The following SEZ6L variants were observed in gnomAD, a reference collection of about 807,000 sequenced individuals.
SEZ6L encodes seizure 6-like protein.
Under a neutral mutation model 106.2 loss-of-function variants are expected in SEZ6L, and 37 were observed. That is an observed-to-expected ratio of 0.35 (90% CI 0.27 to 0.46). The LOEUF is 0.46. Among genes scored for constraint, SEZ6L ranks in the 20% least tolerant of loss-of-function variants. The pLI is 1.00. For missense variants in SEZ6L, 1,172 were observed against 1,332.8 expected (o/e 0.88, Z 1.88); for synonymous variants, 541 against 570.4 (o/e 0.95, Z 0.73).
intron 1 of SEZ6L, among the ~76,000 whole-genome samples, chr22:26,227,934 T>C (rs1234952138): frequency 1.3e-5 from 2 of 152,144 alleles, no homozygotes; most frequent in Non-Finnish European, 1.5e-5. Flanking sequence ...AACGTGCCAA[T>C]GGCCACAGAA....
Position 26,251,338 on chromosome 22 carries a change from G to GT in SEZ6L, c.95-41052dup, listed in dbSNP as rs5844679. Among the ~76,000 whole-genome samples, 50 of 149,326 alleles carry GT rather than the reference G, an allele frequency of 3.3e-4. 1 individual carries two copies. Among genetic ancestry groups the GT allele is most frequent in the African/African-American group, 1.2e-3 (47 of 40,468 alleles). Reference sequence around the variant, plus strand: ...TCCTTTTATTCCTAATTTGTTGAAAGTTTTTTTTTTTTTTTTATCATGAAT... The same window carrying GT: ...TCCTTTTATTCCTAATTTGTTGAAAGTTTTTTTTTTTTTTTTTATCATGAAT... On this transcript the variant is annotated intron_variant, in intron 1 of 16. Coordinates refer to ENST00000248933, the MANE Select transcript of SEZ6L (RefSeq NM_021115.5).
intron 15 of SEZ6L, 104 bp downstream of exon 15, chr22:26,375,793 C>T (rs55650033): frequency 0.013 from 10,123 of 752,702 alleles, 105 homozygotes; most frequent in Non-Finnish European, 0.018. Flanking sequence ...ACCTGGAGCT[C>T]GGGCATAGTG....
At chr22:26,242,611 A>G (rs1423194354) in intron 1 of SEZ6L, 1 of 152,238 alleles carries the variant, frequency 6.6e-6, no homozygotes, top group African/African-American at 2.4e-5. Context: ...AAGAACAATT[A>G]TTATTATTCT....
intron 9 of SEZ6L, among the ~76,000 whole-genome samples, chr22:26,330,118 G>A (rs556215684): frequency 3.1e-4 from 47 of 152,188 alleles, no homozygotes; most frequent in Non-Finnish European, 5.6e-4. Flanking sequence ...TATTTCACCT[G>A]TGCCAAGCCC....
At chr22:26,347,199 A>AATGATGATGATG (rs3071639) in intron 10 of SEZ6L, among the ~76,000 whole-genome samples, 5,127 of 149,820 alleles carry the variant, frequency 0.034, 132 homozygotes, top group South Asian at 0.058. Context: ...CTGTAAAAAT[A>AATGATGATGATG]ATGATGATGA....
At chr22:26,271,543 G>A (rs1256555913) in intron 1 of SEZ6L, among the ~76,000 whole-genome samples, 1 of 152,176 alleles carries the variant, frequency 6.6e-6, no homozygotes, top group East Asian at 1.9e-4. Context: ...ATCATAAATG[G>A]CTTGGCGTCT....
At chr22:26,300,228 T>C (rs988130041) in intron 5 of SEZ6L, among the ~76,000 whole-genome samples, 1 of 152,214 alleles carries the variant, frequency 6.6e-6, no homozygotes, top group Non-Finnish European at 1.5e-5. Context: ...TATGTATACA[T>C]GTGCCATGTT....
At chr22:26,273,146 C>G (rs1461592305) in intron 1 of SEZ6L, among the ~76,000 whole-genome samples, 1 of 152,272 alleles carries the variant, frequency 6.6e-6, no homozygotes, top group Non-Finnish European at 1.5e-5. Context: ...CTGCCTCTCT[C>G]TTCCTCCCTT....
At position 26,294,946 on chromosome 22, in the gene SEZ6L, T is replaced by G. The variant is rs562197225; in HGVS notation, c.969+521T>G. 8.0e-4 allele frequency among the ~76,000 whole-genome samples: 120 copies of G among 150,580 alleles called. 3 individuals are homozygous for G. Among genetic ancestry groups the G allele is most frequent in the African/African-American group, 2.7e-3 (110 of 40,234 alleles). ...TTCTTTCTCTTTCTCTTTCTTTCTT[T>G]CTTTCTTTCTTTCTTGCTTGCTTGC... On this transcript the variant is annotated intron_variant, in intron 3 of 16. Transcript: ENST00000248933.
intron 9 of SEZ6L, among the ~76,000 whole-genome samples, chr22:26,314,265 A>G (rs1169133938): frequency 6.6e-6 from 1 of 152,222 alleles, no homozygotes; most frequent in African/African-American, 2.4e-5. Context: ...AATTTGATAT[A>G]AAAAGGAAGG....
intron 1 of SEZ6L, among the ~76,000 whole-genome samples, chr22:26,190,186 T>A (rs527662306): frequency 6.6e-6 from 1 of 152,230 alleles, no homozygotes; most frequent in East Asian, 1.9e-4. Context: ...TGGAAGTTTT[T>A]ATTCTTCACC....
chr22:26,344,932 G>T (rs2082959203), intron 10 of SEZ6L, among the ~76,000 whole-genome samples: 1 of 152,200 alleles, frequency 6.6e-6, no homozygotes, highest in Admixed American at 6.5e-5. Context: ...TAGAAAAGAA[G>T]TCTTCCAACT....
chr22:26,366,149 T>C lies in SEZ6L; in HGVS notation c.2794+583T>C, dbSNP rs553633687. On this transcript the variant is annotated intron_variant, in intron 13 of 16. Coordinates refer to ENST00000248933, the MANE Select transcript of SEZ6L (RefSeq NM_021115.5). ...GAGTTCAAGACCAGCCTGACCAACA[T>C]GGTGAAACCCCATCTCTACTTAAAA... Among the ~76,000 whole-genome samples, 231 of 152,048 alleles carry C rather than the reference T, an allele frequency of 1.5e-3. 1 individual carries two copies. The highest frequency in any genetic ancestry group is 2.8e-3 in the Non-Finnish European group (190 of 67,964).
At chr22:26,348,705 G>GAAA (rs1481352357) in intron 11 of SEZ6L, among the ~76,000 whole-genome samples, 21 of 48,074 alleles carry the variant, frequency 4.4e-4, no homozygotes, top group Non-Finnish European at 7.9e-4. Context: ...AAAGAAAGAA[G>GAAA]GCAAGGGAGG....
intron 7 of SEZ6L, among the ~76,000 whole-genome samples, chr22:26,311,359 G>A: frequency 6.6e-6 from 1 of 152,154 alleles, no homozygotes; most frequent in East Asian, 1.9e-4. Context: ...GGGTTCGCTG[G>A]GCATTTCATG....
At chr22:26,361,068 C>T (rs997304259) in intron 12 of SEZ6L, among the ~76,000 whole-genome samples, 5 of 151,976 alleles carry the variant, frequency 3.3e-5, no homozygotes, top group African/African-American at 1.2e-4. Context: ...TTTTGTGAGT[C>T]GTTTGGCTTA....
chr22:26,254,158 G>A (rs974492), intron 1 of SEZ6L: 19,418 of 152,128 alleles, frequency 0.13, 1,659 homozygotes, highest in East Asian at 0.35. Flanking sequence ...GGGGCTTTGT[G>A]ATTTGAAAGA....
rs556498919 is a variant in SEZ6L at position 26,228,921 on chromosome 22, C to T, written c.94+59158C>T. 7.4e-4 allele frequency among the ~76,000 whole-genome samples: 113 copies of T among 152,244 alleles called. 1 individual carries two copies. Among genetic ancestry groups the T allele is most frequent in the Admixed American group, 1.7e-3 (26 of 15,300 alleles). ...AGTTTAAGGTGCATCAGAGGATGCT[C>T]TTGAGGGATTACCTATGACCACCGT... On this transcript the variant is annotated intron_variant, in intron 1 of 16. Transcript: ENST00000248933.
intron 1 of SEZ6L, among the ~76,000 whole-genome samples, chr22:26,207,231 C>G (rs1941317098): frequency 6.6e-6 from 1 of 152,166 alleles, no homozygotes; most frequent in South Asian, 2.1e-4. Flanking sequence ...CCACAGTATT[C>G]CATTCATCTT....
Sources: gnomAD v4.1 joint callset for allele counts (sites outside exome capture counted in the v4.1 genomes callset) on GRCh38, gnomAD v4.1.1 for gene constraint, MANE v1.5 for transcripts, NCBI Gene and HGNC (gene_info 2026-07-23, HGNC 2026-07-21) for gene names.